TEX35: variants seen among roughly 807,000 people sequenced by gnomAD.
TEX35 encodes testis expressed 35.
A neutral mutation model predicts 31.9 loss-of-function variants in TEX35; 26 were observed. The observed-to-expected ratio is 0.81, with a 90% CI of 0.60 to 1.13. The LOEUF is 1.13. Ranked by LOEUF, TEX35 falls within the 50% of genes most tolerant of loss-of-function variation. The pLI is 0.00. For synonymous variants in TEX35, 87 were observed against 90.7 expected, an observed-to-expected ratio of 0.96 and a Z score of 0.23; for missense variants, 278 against 273.5, an observed-to-expected ratio of 1.02 and a Z score of -0.12.
rs553865238 is a variant in TEX35, at chr1:178,522,135, A to G, written c.587-190A>G. ...TCAGCCTCCACCTGTGCATGGGGCC[A>G]GGGTGTCTTGGGTGATGCAGGGAAC... On this transcript the variant is annotated intron_variant, in intron 8 of 8. Transcript: ENST00000319416. 53 of 800,088 alleles carry G rather than the reference A, an allele frequency of 6.6e-5. No individual in the cohort carries two copies. The Middle Eastern group carries it at 1.5e-3, about 23-fold the overall frequency. The allele number at this position is 800,088 out of a possible 1,614,324, so 49.6% of individuals were successfully genotyped here.
chr1:178,521,224 G>T lies in TEX35; in HGVS notation c.546G>T (p.Glu182Asp), dbSNP rs757596679. The T allele has an allele frequency of 1.2e-6, 2 of 1,614,246 alleles. No individual in the cohort carries two copies. The highest frequency in any genetic ancestry group is 1.7e-5 in the Admixed American group (1 of 60,026). Residue 182 changes from glutamate to aspartate, a missense_variant and splice_region_variant, in exon 8 of 9, where the codon GAG (glutamate) becomes GAT (aspartate). Glu to Asp is a conservative substitution (Grantham distance 45, BLOSUM62 2). Transcript: ENST00000319416. Reference sequence around the variant, plus strand: ...TGTGCCGTTTCTGTCCTCTGCAGGAGAAATGTTTGTTGTGTGCTCTAAAGA... The same window carrying T: ...TGTGCCGTTTCTGTCCTCTGCAGGATAAATGTTTGTTGTGTGCTCTAAAGA... ...DPLHHCGTCC[E>D]KCLLCALKNN...
chr1:178,516,064 T>G, intron 4 of TEX35, 149 bp downstream of exon 4: 1 of 685,728 alleles, frequency 1.5e-6, no homozygotes, highest in South Asian at 1.9e-5. Context: ...TATTAGGTTA[T>G]TCACTTCTTA....
chr1:178,514,727 G>C lies in TEX35; in HGVS notation c.118G>C (p.Glu40Gln). The change falls in exon 3 of 9, where the codon GAA becomes CAA. Residue 40 changes from glutamate to glutamine, a missense_variant. Coordinates refer to ENST00000319416, the MANE Select transcript of TEX35 (RefSeq NM_032126.5). The stretch of plus-strand genomic sequence containing the variant: ...ATTTGATTACAAAGCAGTTAAACAA[G>C]AAGGGCGGTTTACCAAAGCAGGAGT... ...KTFDYKAVKQ[E>Q]GRFTKAGVTQ... is the part of the protein sequence containing the mutation. The C allele has an allele frequency of 6.2e-7, 1 of 1,614,038 alleles. No homozygotes were observed. Among genetic ancestry groups the C allele is most frequent in the East Asian group, 2.2e-5 (1 of 44,882 alleles).
Position 178,522,435 on chromosome 1 carries a change from A to C in TEX35, c.697A>C (p.Arg233=). Residue 233 remains arginine, a synonymous_variant, in exon 9 of 9, where the codon AGG becomes CGG. Coordinates refer to ENST00000319416, the MANE Select transcript of TEX35 (RefSeq NM_032126.5). ...VPAPKSQTEG[R] The stretch of plus-strand genomic sequence containing the variant: ...TGCCCCAAAGTCCCAGACTGAGGGA[A>C]GGTGAAGCTTAACTGCCAGCTTGAA... The C allele has an allele frequency of 6.3e-7, 1 of 1,595,374 alleles. No homozygotes were observed. The highest frequency in any genetic ancestry group is 8.6e-7 in the Non-Finnish European group (1 of 1,169,546).
At chr1:178,521,345 C>A (rs1002072498) in intron 8 of TEX35, 81 bp downstream of exon 8, 1 of 1,474,552 alleles carries the variant, frequency 6.8e-7, no homozygotes, top group African/African-American at 1.4e-5. Context: ...CAGCCGCATT[C>A]ACATCACACC....
Position 178,522,315 on chromosome 1 carries a change from AC to A in TEX35, c.587-5del. 1 of 1,573,972 alleles carries A rather than the reference AC, an allele frequency of 6.4e-7. No homozygotes were observed. The highest frequency in any genetic ancestry group is 8.6e-7 in the Non-Finnish European group (1 of 1,157,480). ...TTGAAGGTTTCCTCTCCCTCCCTCCACCCCCAAAGGGAACATTCCTTCAGAG... is the reference window on the plus strand; with the variant it reads ...TTGAAGGTTTCCTCTCCCTCCCTCCACCCCAAAGGGAACATTCCTTCAGAG... On this transcript the variant is annotated splice_polypyrimidine_tract_variant and intron_variant, in intron 8 of 8. Coordinates refer to ENST00000319416, the MANE Select transcript of TEX35 (RefSeq NM_032126.5).
chr1:178,513,515 C>G (rs1396881159), intron 1 of TEX35, among the ~76,000 whole-genome samples: 1 of 152,282 alleles, frequency 6.6e-6, no homozygotes, highest in East Asian at 1.9e-4. Flanking sequence ...CCATGCCAGG[C>G]CTGCCAGGCC....
At chr1:178,518,271 G>C (rs1188777342) in intron 5 of TEX35, among the ~76,000 whole-genome samples, 5 of 152,026 alleles carry the variant, frequency 3.3e-5, no homozygotes, top group African/African-American at 1.2e-4. Context: ...CTGTTAATTA[G>C]AGTGCAAATT....
chr1:178,515,893 A>T lies in TEX35; in HGVS notation c.194A>T (p.Glu65Val). The change falls in exon 4 of 9, where the codon GAG becomes GTG. Residue 65 changes from glutamate to valine, a missense_variant. Coordinates refer to ENST00000319416, the MANE Select transcript of TEX35 (RefSeq NM_032126.5). ...AGGGAAGTGAGAGAAGAGCTCAAGG[A>T]GAAAATGGAGGAGATAAAACAGGTA... The part of the protein sequence containing the change: ...ELREVREELK[E>V]KMEEIKQIKD... The T allele has an allele frequency of 6.2e-7, 1 of 1,612,904 alleles. No individual in the cohort carries two copies. The highest frequency in any genetic ancestry group is 8.5e-7 in the Non-Finnish European group (1 of 1,179,170).
At chr1:178,513,585 C>T (rs1649953839) in intron 1 of TEX35, among the ~76,000 whole-genome samples, 1 of 152,214 alleles carries the variant, frequency 6.6e-6, no homozygotes, top group South Asian at 2.1e-4. Flanking sequence ...ATAATCATCA[C>T]GTCGATTTTA....
Position 178,522,497 on chromosome 1 carries a change from A to C in TEX35, c.*57A>C, listed in dbSNP as rs918410526. 2.6e-6 allele frequency: 4 copies of C among 1,525,430 alleles called. No homozygotes were observed. Among genetic ancestry groups the C allele is most frequent in the Non-Finnish European group, 2.7e-6 (3 of 1,128,786 alleles). 94.5% of individuals were successfully genotyped at this position (1,525,430 alleles called of 1,614,324 possible). On this transcript the variant is annotated 3_prime_UTR_variant, in exon 9 of 9. Coordinates refer to ENST00000319416, the MANE Select transcript of TEX35 (RefSeq NM_032126.5). ...GAAGATACAGAGCAAACAGTGTTTC[A>C]GAAACTGTCCTGCCCTGGGTGTGAT...
chr1:178,520,786 C>T lies in TEX35; in HGVS notation c.455C>T (p.Ala152Val), dbSNP rs1041181944. Residue 152 changes from alanine to valine, a missense_variant, in exon 7 of 9, where the codon GCA (alanine) becomes GTA (valine). Ala to Val is a moderately conservative substitution (Grantham distance 64). Transcript: ENST00000319416. ...GATGGAGCCAGTGGAGTCAATGGAG[C>T]ACCCTGTGCTCTTCACAAGAAGACG... Reference protein sequence around the residue: ...KMDGASGVNGAPCALHKKTMA... With the variant: ...KMDGASGVNGVPCALHKKTMA... The T allele has an allele frequency of 1.9e-6, 3 of 1,614,168 alleles. No individual in the cohort carries two copies. The highest frequency in any genetic ancestry group is 1.3e-5 in the African/African-American group (1 of 75,026).
At chr1:178,515,974 A>G in intron 4 of TEX35, 59 bp downstream of exon 4, 3 of 1,365,650 alleles carry the variant, frequency 2.2e-6, no homozygotes, top group Non-Finnish European at 3.1e-6. Flanking sequence ...GAAAAATGCA[A>G]TCCTTAAGTT....
At position 178,514,016 on chromosome 1, in the gene TEX35, T is replaced by A; in HGVS notation, c.40-11T>A. 6.2e-7 allele frequency: 1 copy of A among 1,613,726 alleles called. No individual in the cohort carries two copies. The highest frequency in any genetic ancestry group is 1.3e-5 in the African/African-American group (1 of 75,038). On this transcript the variant is annotated splice_polypyrimidine_tract_variant and intron_variant, in intron 1 of 8. Transcript: ENST00000319416. ...TCTGCCAGCCTGAATCTCAGTCTCC[T>A]CTTTTTGCAGAGCAAGAACTACAAG... is the stretch of plus-strand genomic sequence containing the variant.
chr1:178,515,893 A>G lies in TEX35; in HGVS notation c.194A>G (p.Glu65Gly), dbSNP rs769290246. Residue 65 changes from glutamate to glycine, a missense_variant, in exon 4 of 9, where the codon GAG (glutamate) becomes GGG (glycine). Physicochemically the swap from Glu to Gly is moderately conservative, Grantham distance 98. Coordinates refer to ENST00000319416, the MANE Select transcript of TEX35 (RefSeq NM_032126.5). Reference protein sequence around the residue: ...ELREVREELKEKMEEIKQIKD... With the variant: ...ELREVREELKGKMEEIKQIKD... The stretch of plus-strand genomic sequence containing the variant: ...AGGGAAGTGAGAGAAGAGCTCAAGG[A>G]GAAAATGGAGGAGATAAAACAGGTA... 3 of 1,612,904 alleles carry G rather than the reference A, an allele frequency of 1.9e-6. No individual in the cohort carries two copies. Among genetic ancestry groups the G allele is most frequent in the Non-Finnish European group, 2.5e-6 (3 of 1,179,170 alleles).
chr1:178,514,841 G>T, intron 3 of TEX35, 73 bp downstream of exon 3: 2 of 1,289,478 alleles, frequency 1.6e-6, no homozygotes, highest in Non-Finnish European at 2.2e-6. Flanking sequence ...AATCCTCAGT[G>T]CCTGTTTCCT....
chr1:178,514,597 G>T, intron 2 of TEX35, 103 bp from the exon 3 acceptor site: 1 of 1,152,832 alleles, frequency 8.7e-7, no homozygotes, highest in Middle Eastern at 2.4e-4. Context: ...TCTTGCCTTA[G>T]CCCTAAGGGA....
At chr1:178,523,163 T>G (rs1650343435), downstream of TEX35, 2 of 564,412 alleles carry the variant, frequency 3.5e-6, no homozygotes, top group African/African-American at 3.9e-5. Flanking sequence ...AGAACTCAAT[T>G]GTGTGTGTGT....
At chr1:178,517,988 TG>T (rs2101895976) in intron 5 of TEX35, among the ~76,000 whole-genome samples, 1 of 152,212 alleles carries the variant, frequency 6.6e-6, no homozygotes, top group South Asian at 2.1e-4. Context: ...AGAAACTGTT[TG>T]GGGGAACATT....
Sources: gnomAD v4.1 joint callset for allele counts (sites outside exome capture counted in the v4.1 genomes callset) on GRCh38, gnomAD v4.1.1 for gene constraint, MANE v1.5 for transcripts, NCBI Gene and HGNC (gene_info 2026-07-23, HGNC 2026-07-21) for gene names.